HTT-AS: variants seen among roughly 807,000 people sequenced by gnomAD.
HTT-AS encodes HTT antisense RNA (head to head).
downstream of HTT-AS, among the ~76,000 whole-genome samples, chr4:3,047,533 G>A (rs889496578): frequency 2.0e-5 from 3 of 152,226 alleles, no homozygotes; most frequent in African/African-American, 7.2e-5. Flanking sequence ...CAGAAGACGA[G>A]TGTGAGCCCT....
chr4:3,062,125 G>T (rs976225558), intron 2 of HTT-AS, among the ~76,000 whole-genome samples: 2 of 151,804 alleles, frequency 1.3e-5, no homozygotes, highest in African/African-American at 4.8e-5. Context: ...GGGGCTCAAG[G>T]TATGTTCCTT....
At chr4:3,059,859 C>T (rs1410142767) in intron 2 of HTT-AS, among the ~76,000 whole-genome samples, 1 of 152,100 alleles carries the variant, frequency 6.6e-6, no homozygotes, top group African/African-American at 2.4e-5. Context: ...AGGCCTGAGC[C>T]ACTGCGCCTG....
At chr4:3,070,503 C>T (rs990963832) in intron 1 of HTT-AS, among the ~76,000 whole-genome samples, 6 of 152,098 alleles carry the variant, frequency 3.9e-5, no homozygotes, top group Admixed American at 6.5e-5. Context: ...GTTGGTCAGG[C>T]GGACTTGAAC....
At chr4:3,060,345 G>T (rs1711901481) in intron 2 of HTT-AS, among the ~76,000 whole-genome samples, 1 of 151,890 alleles carries the variant, frequency 6.6e-6, no homozygotes, top group Admixed American at 6.6e-5. Flanking sequence ...TTAGAAACAG[G>T]ATCTCATTTT....
intron 2 of HTT-AS, among the ~76,000 whole-genome samples, chr4:3,052,787 G>A (rs1055098804): frequency 3.3e-5 from 5 of 151,950 alleles, no homozygotes; most frequent in East Asian, 1.9e-4. Context: ...TCAGGAGTTC[G>A]AGACCAGCCT....
chr4:3,057,453 G>T (rs6848638), intron 2 of HTT-AS, among the ~76,000 whole-genome samples: 6,799 of 152,192 alleles, frequency 0.045, 241 homozygotes, highest in African/African-American at 0.09. Flanking sequence ...TTACTGGAAA[G>T]GGGTCCCAAT....
intron 1 of HTT-AS, among the ~76,000 whole-genome samples, chr4:3,074,051 C>A (rs1409967968): frequency 6.9e-6 from 1 of 145,512 alleles, no homozygotes; most frequent in African/African-American, 2.6e-5. Flanking sequence ...TGGGCGAGCC[C>A]CTCCATGGCC....
chr4:3,060,233 T>C (rs1711899839), intron 2 of HTT-AS, among the ~76,000 whole-genome samples: 1 of 152,196 alleles, frequency 6.6e-6, no homozygotes, highest in African/African-American at 2.4e-5. Context: ...TTTCTACATT[T>C]CCTTACTAAT....
At chr4:3,056,203 G>A (rs903681665) in intron 2 of HTT-AS, among the ~76,000 whole-genome samples, 6 of 152,160 alleles carry the variant, frequency 3.9e-5, no homozygotes, top group East Asian at 1.9e-4. Context: ...AACTTCAGCC[G>A]AATTAAATTT....
rs1466679579 is a variant in HTT-AS, at chr4:3,063,960, G to A, written n.114-260C>T. Among the ~76,000 whole-genome samples, 4 of 152,230 alleles carry A rather than the reference G, an allele frequency of 2.6e-5. No individual in the cohort carries two copies. In the East Asian group the frequency reaches 7.7e-4, roughly 29 times the overall value. On this transcript the variant is annotated intron_variant and non_coding_transcript_variant, in intron 1 of 2. Coordinates refer to ENST00000664062, the Ensembl canonical transcript of HTT-AS. ...GCTCCTAAAATCCTGAGAACTTCCT[G>A]GGTGAGCATCTTTTGTTCTAATGAG...
intron 1 of HTT-AS, among the ~76,000 whole-genome samples, chr4:3,073,690 A>G (rs1486741280): frequency 6.6e-6 from 1 of 152,056 alleles, no homozygotes; most frequent in Non-Finnish European, 1.5e-5. Flanking sequence ...GCCTGTGGAC[A>G]CCGCCCTGCA....
intron 2 of HTT-AS, among the ~76,000 whole-genome samples, chr4:3,059,696 G>C (rs1711888908): frequency 6.6e-6 from 1 of 151,274 alleles, no homozygotes; most frequent in South Asian, 2.1e-4. Flanking sequence ...TCAGCCTCCT[G>C]AGTAGCTGGG....
At chr4:3,047,505 G>A (rs1049912204), downstream of HTT-AS, among the ~76,000 whole-genome samples, 1 of 152,176 alleles carries the variant, frequency 6.6e-6, no homozygotes, top group Non-Finnish European at 1.5e-5. Context: ...GAGCTGAAGG[G>A]ACAGGGTGAG....
At chr4:3,071,396 GGT>G (rs1298607023) in intron 1 of HTT-AS, among the ~76,000 whole-genome samples, 1 of 152,090 alleles carries the variant, frequency 6.6e-6, no homozygotes, top group Non-Finnish European at 1.5e-5. Flanking sequence ...GCAGGAAAAA[GGT>G]GTGTCTTTCC....
At chr4:3,047,078 G>A (rs865813548), downstream of HTT-AS, among the ~76,000 whole-genome samples, 8 of 152,334 alleles carry the variant, frequency 5.3e-5, no homozygotes, top group Middle Eastern at 0.01. Flanking sequence ...TTGGGAGGCC[G>A]AGGTGGGCAG....
intron 2 of HTT-AS, among the ~76,000 whole-genome samples, chr4:3,057,224 G>A (rs1342241739): frequency 1.3e-5 from 2 of 152,024 alleles, no homozygotes; most frequent in African/African-American, 4.8e-5. Context: ...TAGTAGAGAC[G>A]GGGTTTCACC....
intron 2 of HTT-AS, among the ~76,000 whole-genome samples, chr4:3,050,788 ATTTT>A: frequency 6.6e-6 from 1 of 152,200 alleles, no homozygotes; most frequent in Non-Finnish European, 1.5e-5. Flanking sequence ...AGTAAACATT[ATTTT>A]TTGACAATGC....
intron 2 of HTT-AS, among the ~76,000 whole-genome samples, chr4:3,057,688 T>A (rs1711833577): frequency 6.6e-6 from 1 of 152,006 alleles, no homozygotes; most frequent in African/African-American, 2.4e-5. Context: ...CAGGCTGGAG[T>A]GCAGTGGCGA....
At chr4:3,057,937 T>C (rs1711841115) in intron 2 of HTT-AS, among the ~76,000 whole-genome samples, 1 of 151,962 alleles carries the variant, frequency 6.6e-6, no homozygotes, top group African/African-American at 2.4e-5. Context: ...ATTTCTTGAT[T>C]ATATGCTAAA....
Sources: gnomAD v4.1 joint callset for allele counts (sites outside exome capture counted in the v4.1 genomes callset) on GRCh38, gnomAD v4.1.1 for gene constraint, MANE v1.5 for transcripts, NCBI Gene and HGNC (gene_info 2026-07-23, HGNC 2026-07-21) for gene names.